Variants in HOMER2 observed in about 807,000 individuals in gnomAD.
HOMER2 encodes homer protein homolog 2.
Under a neutral mutation model 47.0 loss-of-function variants are expected in HOMER2, and 27 were observed. That is an observed-to-expected ratio of 0.57 (90% CI 0.42 to 0.79). HOMER2 has a LOEUF of 0.79. HOMER2 is among the 30% of genes least tolerant of loss of function. The probability of loss-of-function intolerance (pLI) is 0.00; values close to 1 mark genes in which losing one functional copy is unlikely to be tolerated. For missense variants in HOMER2, 443 were observed against 435.0 expected (o/e 1.02, Z -0.16); for synonymous variants, 161 against 163.8 (o/e 0.98, Z 0.13).
At chr15:82,890,206 G>C (rs2052661722) in intron 2 of HOMER2, among the ~76,000 whole-genome samples, 1 of 152,214 alleles carries the variant, frequency 6.6e-6, no homozygotes, top group South Asian at 2.1e-4. Context: ...TCCAGGCATA[G>C]TGGTGGGTAC....
At chr15:82,840,071 AAATT>A (rs1335062321) in exon 2 of HOMER2, 2 of 152,220 alleles carry the variant, frequency 1.3e-5, no homozygotes, top group African/African-American at 2.4e-5. Flanking sequence ...CTGAAATTAT[AAATT>A]ATTTATAACT....
chr15:82,927,814 C>CA (rs1019688223), intron 1 of HOMER2, among the ~76,000 whole-genome samples: 15 of 151,962 alleles, frequency 9.9e-5, no homozygotes, highest in African/African-American at 2.4e-4. Context: ...CTACTAAATA[C>CA]AAAAAATTAG....
chr15:82,903,289 G>A (rs1001651844), intron 1 of HOMER2, among the ~76,000 whole-genome samples: 1 of 152,150 alleles, frequency 6.6e-6, no homozygotes, highest in African/African-American at 2.4e-5. Flanking sequence ...AGTTCAGCAC[G>A]TGAAGAGCTT....
chr15:82,873,800 C>T (rs2052254254), intron 3 of HOMER2, among the ~76,000 whole-genome samples: 1 of 152,314 alleles, frequency 6.6e-6, no homozygotes. Context: ...ATGCAGAGGA[C>T]AGTCTGTGGG....
At chr15:82,868,471 A>G (rs2052050658) in intron 3 of HOMER2, among the ~76,000 whole-genome samples, 1 of 142,630 alleles carries the variant, frequency 7.0e-6, no homozygotes, top group Non-Finnish European at 1.5e-5. Flanking sequence ...CTGGAAAAAT[A>G]TATATTTTTT....
intron 5 of HOMER2, among the ~76,000 whole-genome samples, chr15:82,857,875 C>T (rs2051640892): frequency 6.6e-6 from 1 of 152,196 alleles, no homozygotes; most frequent in Non-Finnish European, 1.5e-5. Flanking sequence ...AAGCTCAGCC[C>T]AGCCTGTGGG....
chr15:82,911,274 G>A (rs2053445718), intron 1 of HOMER2, among the ~76,000 whole-genome samples: 1 of 152,110 alleles, frequency 6.6e-6, no homozygotes, highest in Non-Finnish European at 1.5e-5. Flanking sequence ...TAGAAGTCTA[G>A]GACTTGTTTT....
chr15:82,940,544 C>T (rs1024997458), intron 1 of HOMER2, among the ~76,000 whole-genome samples: 5 of 152,120 alleles, frequency 3.3e-5, no homozygotes, highest in African/African-American at 9.7e-5. Flanking sequence ...GAGATCGAGA[C>T]CATCCTGGCT....
At chr15:82,848,617 C>A (rs925125049), downstream of HOMER2, among the ~76,000 whole-genome samples, 1 of 152,214 alleles carries the variant, frequency 6.6e-6, no homozygotes, top group South Asian at 2.1e-4. Flanking sequence ...TCTCTCCCCC[C>A]GAAATGCCTG....
intron 3 of HOMER2, among the ~76,000 whole-genome samples, chr15:82,874,041 C>T (rs1392216876): frequency 1.3e-5 from 2 of 152,184 alleles, no homozygotes; most frequent in African/African-American, 2.4e-5. Context: ...ACACAAGTAA[C>T]CCAAGCAGTC....
At chr15:82,901,620 G>A (rs2053120872) in intron 1 of HOMER2, among the ~76,000 whole-genome samples, 1 of 152,208 alleles carries the variant, frequency 6.6e-6, no homozygotes, top group African/African-American at 2.4e-5. Flanking sequence ...AAGGGCCACT[G>A]TGTGGCACAG....
At chr15:82,879,874 T>C (rs1249303157) in intron 2 of HOMER2, among the ~76,000 whole-genome samples, 1 of 152,146 alleles carries the variant, frequency 6.6e-6, no homozygotes, top group Non-Finnish European at 1.5e-5. Context: ...ACCAACAGAA[T>C]GGATAAATAC....
chr15:82,908,115 T>C (rs187697536), intron 1 of HOMER2, among the ~76,000 whole-genome samples: 4 of 147,394 alleles, frequency 2.7e-5, no homozygotes, highest in African/African-American at 7.4e-5. Flanking sequence ...GTAGAGGAAA[T>C]TGGGAGTGAC....
At chr15:82,915,507 A>G (rs2053564696) in intron 1 of HOMER2, among the ~76,000 whole-genome samples, 1 of 152,102 alleles carries the variant, frequency 6.6e-6, no homozygotes, top group Admixed American at 6.6e-5. Context: ...CTAGGAGTTG[A>G]AGACCAAGGG....
upstream of HOMER2, among the ~76,000 whole-genome samples, chr15:82,957,279 CAA>C (rs35127526): frequency 2.7e-5 from 2 of 72,780 alleles, no homozygotes; most frequent in Admixed American, 1.5e-4. Flanking sequence ...GACTCCGTCT[CAA>C]AAAAAAAAAA....
exon 2 of HOMER2, chr15:82,841,953 T>C (rs1442250852): frequency 2.6e-5 from 4 of 152,224 alleles, no homozygotes; most frequent in Admixed American, 6.5e-5. Context: ...CTGATGAATA[T>C]GCTGTTGACT....
intron 1 of HOMER2, among the ~76,000 whole-genome samples, chr15:82,933,967 T>C (rs2054078941): frequency 6.6e-6 from 1 of 152,020 alleles, no homozygotes; most frequent in Admixed American, 6.5e-5. Flanking sequence ...GCCCTGGATG[T>C]TCCCAAATCT....
At chr15:82,856,641 T>C (rs2051596744) in intron 5 of HOMER2, among the ~76,000 whole-genome samples, 1 of 152,072 alleles carries the variant, frequency 6.6e-6, no homozygotes, top group South Asian at 2.1e-4. Flanking sequence ...AATAAATAAA[T>C]AAAGCTCTCA....
chr15:82,981,428 C>T (rs2030393495), intron 1 of HOMER2, among the ~76,000 whole-genome samples: 1 of 152,170 alleles, frequency 6.6e-6, no homozygotes, highest in Admixed American at 6.5e-5. Flanking sequence ...TAAAATGGCA[C>T]AGCCATTATG....
Sources: allele counts gnomAD v4.1 joint callset (sites outside exome capture counted in the v4.1 genomes callset), GRCh38; gene constraint gnomAD v4.1.1; transcripts MANE v1.5; gene names NCBI Gene and HGNC (gene_info 2026-07-23, HGNC 2026-07-21).